The following CLIP4 variants were observed in gnomAD, a reference collection of about 807,000 sequenced individuals.
CLIP4 encodes CAP-Gly domain-containing linker protein 4.
A neutral mutation model predicts 73.1 loss-of-function variants in CLIP4; 47 were observed. The ratio of observed to expected loss-of-function variants is 0.64; its 90% CI spans 0.51 to 0.82. CLIP4 has a LOEUF of 0.82. Among genes scored for constraint, CLIP4 ranks in the 40% least tolerant of loss-of-function variants. CLIP4 has a pLI of 0.00. For missense variants in CLIP4, 874 were observed against 852.9 expected (o/e 1.02, Z -0.31); for synonymous variants, 306 against 295.4 (o/e 1.04, Z -0.37).
At chr2:29,144,114 T>C (rs959903700) in intron 7 of CLIP4, among the ~76,000 whole-genome samples, 169 bp downstream of exon 7, 3 of 152,254 alleles carry the variant, frequency 2.0e-5, no homozygotes, top group Non-Finnish European at 2.9e-5. Context: ...TGTTAAGTTA[T>C]GCTTTAAGAA....
upstream of CLIP4, among the ~76,000 whole-genome samples, chr2:29,110,707 G>T (rs952146100): frequency 6.6e-6 from 1 of 152,128 alleles, no homozygotes; most frequent in African/African-American, 2.4e-5. Context: ...ATTATTATTT[G>T]AGATGGAGTC....
Position 29,115,635 on chromosome 2 carries a change from C to T in CLIP4, c.-46C>T, listed in dbSNP as rs1182284557. On this transcript the variant is annotated 5_prime_UTR_variant, in exon 1 of 16. Coordinates refer to ENST00000320081, the MANE Select transcript of CLIP4 (RefSeq NM_024692.6). The surrounding 1 kb of genome is among the most constrained non-coding windows in gnomAD (Gnocchi z 5.1). ...TCCTCCGCGCCCCCGCGTCCCCAGC[C>T]GGCCGCTCCGAGAGGACCCGGAGGA... The T allele has an allele frequency of 1.4e-5, 2 of 147,480 alleles. No homozygotes were observed. Among genetic ancestry groups the T allele is most frequent in the African/African-American group, 2.4e-5 (1 of 40,926 alleles). 9.1% of individuals were successfully genotyped at this position (147,480 alleles called of 1,614,324 possible).
At chr2:29,174,683 C>A in intron 15 of CLIP4, 1 of 1,166,204 alleles carries the variant, frequency 8.6e-7, no homozygotes, top group Non-Finnish European at 1.1e-6. Flanking sequence ...TCATAGAGGT[C>A]AGAACTGTTA....
In CLIP4 at chr2:29,156,299, A is replaced by C. The variant is rs959845299; in HGVS notation, c.1166-55A>C. 12 of 1,236,864 alleles carry C rather than the reference A, an allele frequency of 9.7e-6. No homozygotes were observed. The African/African-American group carries it at 1.7e-4, about 18-fold the overall frequency. The allele number at this position is 1,236,864 out of a possible 1,614,324, so 76.6% of individuals were successfully genotyped here. On this transcript the variant is annotated intron_variant, in intron 9 of 15. Transcript: ENST00000320081. ...GGGATGCATGTACTTTAAAAAATACATTTTATGTTTAATGTTAAAATTCTT... is the reference window on the plus strand; with the variant it reads ...GGGATGCATGTACTTTAAAAAATACCTTTTATGTTTAATGTTAAAATTCTT...
At chr2:29,108,882 T>G (rs1009791154) in intron 1 of CLIP4, among the ~76,000 whole-genome samples, 2 of 152,228 alleles carry the variant, frequency 1.3e-5, no homozygotes, top group Non-Finnish European at 2.9e-5. Context: ...TTTTCACATT[T>G]GTTTGTCTGA....
chr2:29,129,889 C>G (rs910427849), intron 2 of CLIP4: 8 of 416,648 alleles, frequency 1.9e-5, no homozygotes, highest in African/African-American at 1.7e-4. Context: ...GTAAAGTTCA[C>G]AAGATTCTGA....
Sources: allele counts gnomAD v4.1 joint callset (sites outside exome capture counted in the v4.1 genomes callset), GRCh38; gene constraint gnomAD v4.1.1; non-coding constraint Gnocchi (gnomAD v3.1); transcripts MANE v1.5; gene names NCBI Gene and HGNC (gene_info 2026-07-23, HGNC 2026-07-21).